GLI3: variants seen among roughly 807,000 people sequenced by gnomAD.
The protein encoded by GLI3 is transcription activator GLI3.
A neutral mutation model predicts 100.8 loss-of-function variants in GLI3; 20 were observed. The observed-to-expected ratio is 0.20, with a 90% CI of 0.14 to 0.29. The LOEUF (loss-of-function observed/expected upper bound fraction) is 0.29. Among genes scored for constraint, GLI3 ranks in the 10% least tolerant of loss-of-function variants. GLI3 has a pLI of 1.00. For missense variants in GLI3, 2,040 were observed against 2,128.5 expected (o/e 0.96, Z 0.82); for synonymous variants, 938 against 860.5 (o/e 1.09, Z -1.58).
chr7:42,023,604 T>C lies in GLI3; in HGVS notation c.1361A>G (p.Gln454Arg), dbSNP rs765020464. Reference protein sequence around the residue: ...PSPGARGQQEQPEGTTLVKEE... With the variant: ...PSPGARGQQERPEGTTLVKEE... Reference sequence around the variant, plus strand: ...CTTGACAAGGGTTGTTCCTTCGGGCTGTTCCTGAAAGAAGAGGGTGGGGGG... The same window carrying C: ...CTTGACAAGGGTTGTTCCTTCGGGCCGTTCCTGAAAGAAGAGGGTGGGGGG... The change falls in exon 10 of 15, where the codon CAG (glutamine) becomes CGG (arginine). Residue 454 changes from glutamine to arginine, a missense_variant. This residue lies in a region of GLI3 where 603 missense variants were observed against 690.9 expected (regional missense o/e 0.87). Coordinates refer to ENST00000395925, the MANE Select transcript of GLI3 (RefSeq NM_000168.6). The C allele has an allele frequency of 6.2e-7, 1 of 1,610,844 alleles. No homozygotes were observed. Among genetic ancestry groups the C allele is most frequent in the Admixed American group, 1.7e-5 (1 of 59,794 alleles).
At chr7:42,113,435 G>C (rs950071571) in intron 3 of GLI3, 14 of 729,936 alleles carry the variant, frequency 1.9e-5, no homozygotes, top group Admixed American at 3.5e-5. Flanking sequence ...CCACAGAGAA[G>C]ATCCACAAAG....
At chr7:42,086,113 T>C (rs934939955) in intron 3 of GLI3, among the ~76,000 whole-genome samples, 1 of 152,164 alleles carries the variant, frequency 6.6e-6, no homozygotes, top group Non-Finnish European at 1.5e-5. Flanking sequence ...TAAAAAATAA[T>C]AAAACAATCT....
chr7:42,027,849 G>C (rs1223467345), intron 7 of GLI3, among the ~76,000 whole-genome samples: 1 of 152,168 alleles, frequency 6.6e-6, no homozygotes, highest in African/African-American at 2.4e-5. Context: ...CAGTAAGTTA[G>C]GGAGAAATCA....
chr7:42,174,387 G>A (rs1787437497), intron 2 of GLI3, among the ~76,000 whole-genome samples: 1 of 152,178 alleles, frequency 6.6e-6, no homozygotes, highest in South Asian at 2.1e-4. Flanking sequence ...TCAAAACTGG[G>A]TCAAGAGATG....
chr7:42,026,985 T>C (rs1789136117), intron 7 of GLI3, among the ~76,000 whole-genome samples: 1 of 152,238 alleles, frequency 6.6e-6, no homozygotes, highest in South Asian at 2.1e-4. Context: ...CAGAAGCTGA[T>C]GGATTAACCT....
At chr7:42,100,576 C>T (rs1371646710) in intron 3 of GLI3, among the ~76,000 whole-genome samples, 1 of 137,530 alleles carries the variant, frequency 7.3e-6, no homozygotes, top group Non-Finnish European at 1.5e-5. Flanking sequence ...TCTCTACAAA[C>T]ATAAAAAAAA....
intron 2 of GLI3, among the ~76,000 whole-genome samples, chr7:42,218,285 C>G (rs754239323): frequency 6.6e-6 from 1 of 151,924 alleles, no homozygotes; most frequent in Non-Finnish European, 1.5e-5. Context: ...GGCACATATA[C>G]TCTTACCATT....
chr7:42,249,039 G>A (rs962393407), intron 1 of GLI3, among the ~76,000 whole-genome samples: 5 of 152,084 alleles, frequency 3.3e-5, no homozygotes, highest in Non-Finnish European at 7.4e-5. Flanking sequence ...GAGCCACTGC[G>A]CCTGGCCTTA....
chr7:42,207,636 T>C (rs1043706465), intron 2 of GLI3, among the ~76,000 whole-genome samples: 5 of 152,138 alleles, frequency 3.3e-5, no homozygotes, highest in Admixed American at 6.5e-5. Flanking sequence ...GCATGTCCAA[T>C]GATAGGGGAT....
chr7:42,204,168 G>A (rs1432176252), intron 2 of GLI3, among the ~76,000 whole-genome samples: 1 of 151,454 alleles, frequency 6.6e-6, no homozygotes. Flanking sequence ...TCGCCTTCAT[G>A]GGCCTCCACC....
chr7:41,975,740 G>C (rs902616541), intron 12 of GLI3, among the ~76,000 whole-genome samples: 3 of 152,084 alleles, frequency 2.0e-5, no homozygotes, highest in Non-Finnish European at 4.4e-5. Context: ...AGACAAAAAA[G>C]CTTGGTAATT....
At chr7:42,209,879 T>C (rs572545747) in intron 2 of GLI3, among the ~76,000 whole-genome samples, 1 of 143,286 alleles carries the variant, frequency 7.0e-6, no homozygotes, top group Admixed American at 7.4e-5. Flanking sequence ...CCAAAGAGAA[T>C]TCTAATCATT....
chr7:42,211,546 G>GA (rs1306013931), intron 2 of GLI3, among the ~76,000 whole-genome samples: 1 of 152,186 alleles, frequency 6.6e-6, no homozygotes, highest in Non-Finnish European at 1.5e-5. Flanking sequence ...TATTTTACCA[G>GA]AAAATGTTTA....
At chr7:42,148,509 T>A in intron 2 of GLI3, 41 bp from the exon 3 acceptor site, 1 of 1,579,030 alleles carries the variant, frequency 6.3e-7, no homozygotes, top group Non-Finnish European at 8.7e-7. Flanking sequence ...TAAACTACTT[T>A]AAGGAGCAAT....
intron 3 of GLI3, among the ~76,000 whole-genome samples, 167 bp downstream of exon 3, chr7:42,148,059 A>G (rs1786760428): frequency 6.6e-6 from 1 of 152,084 alleles, no homozygotes; most frequent in Non-Finnish European, 1.5e-5. Context: ...GGAAAGAAGT[A>G]GGGAAAGTAA....
chr7:42,243,037 G>C (rs185328274), intron 1 of GLI3, among the ~76,000 whole-genome samples: 2 of 152,316 alleles, frequency 1.3e-5, no homozygotes, highest in Admixed American at 1.3e-4. Flanking sequence ...TCTGAGATCA[G>C]AGGGAGAGGT....
intron 7 of GLI3, among the ~76,000 whole-genome samples, chr7:42,030,697 T>G (rs560941437): frequency 1.7e-5 from 1 of 57,450 alleles, no homozygotes; most frequent in Non-Finnish European, 3.0e-5. Context: ...TGTTGATTTG[T>G]TTTTTTTTTT....
chr7:42,248,944 G>T (rs1449446463), intron 1 of GLI3, among the ~76,000 whole-genome samples: 1 of 151,928 alleles, frequency 6.6e-6, no homozygotes, highest in Non-Finnish European at 1.5e-5. Flanking sequence ...TTTTCACCAT[G>T]TTGGCTAGGC....
chr7:42,160,417 C>T (rs1787104778), intron 2 of GLI3, among the ~76,000 whole-genome samples: 1 of 152,182 alleles, frequency 6.6e-6, no homozygotes, highest in Non-Finnish European at 1.5e-5. Context: ...AGTCTAAACA[C>T]AAAATTCATT....
Sources: allele counts gnomAD v4.1 joint callset (sites outside exome capture counted in the v4.1 genomes callset), GRCh38; gene constraint gnomAD v4.1.1; regional missense constraint gnomAD v4.1.1; transcripts MANE v1.5; gene names NCBI Gene and HGNC (gene_info 2026-07-23, HGNC 2026-07-21).